CCDC171: variants seen among roughly 807,000 people sequenced by gnomAD.
CCDC171 encodes coiled-coil domain-containing protein 171.
CCDC171 carries 177 observed loss-of-function variants against 168.2 expected under a neutral mutation model. The ratio of observed to expected loss-of-function variants is 1.05; its 90% CI spans 0.93 to 1.19. The LOEUF is 1.19. CCDC171 is among the 50% of genes most tolerant of loss of function. CCDC171 has a pLI of 0.00. For missense variants in CCDC171, 1,991 were observed against 1,539.0 expected, an observed-to-expected ratio of 1.29 and a Z score of -4.91; for synonymous variants, 687 against 540.8, an observed-to-expected ratio of 1.27 and a Z score of -3.75.
chr9:15,843,037 G>A (rs972596946), intron 21 of CCDC171, among the ~76,000 whole-genome samples: 3 of 151,760 alleles, frequency 2.0e-5, no homozygotes, highest in African/African-American at 7.3e-5. Flanking sequence ...TACTTTTCCT[G>A]CCAGCTTTCA....
intron 21 of CCDC171, among the ~76,000 whole-genome samples, chr9:15,843,815 G>C (rs1358269603): frequency 6.6e-6 from 1 of 152,060 alleles, no homozygotes; most frequent in African/African-American, 2.4e-5. Context: ...CAATCACTAT[G>C]GCTGTCCCAT....
chr9:15,987,265 A>C (rs1244182086), intron 3 of CCDC171, among the ~76,000 whole-genome samples: 3 of 152,192 alleles, frequency 2.0e-5, no homozygotes, highest in Admixed American at 1.3e-4. Context: ...TTTAGCATTT[A>C]AAGAACTCCT....
chr9:16,038,428 G>T (rs1833511666), upstream of CCDC171, among the ~76,000 whole-genome samples: 2 of 152,048 alleles, frequency 1.3e-5, no homozygotes, highest in African/African-American at 4.8e-5. Flanking sequence ...AGATAAAATG[G>T]GTGGGAGATG....
At chr9:15,629,032 C>T (rs1356311697) in intron 7 of CCDC171, among the ~76,000 whole-genome samples, 2 of 152,122 alleles carry the variant, frequency 1.3e-5, no homozygotes, top group Non-Finnish European at 2.9e-5. Context: ...CCCTTCTGTA[C>T]ATCACCATCA....
chr9:15,683,648 C>A (rs1325401328), intron 10 of CCDC171, among the ~76,000 whole-genome samples: 1 of 151,978 alleles, frequency 6.6e-6, no homozygotes, highest in Non-Finnish European at 1.5e-5. Context: ...TTTTAGGAGG[C>A]TGACTTCCTA....
At chr9:16,036,959 G>A (rs983066517) in intron 8 of CCDC171, among the ~76,000 whole-genome samples, 10 of 152,206 alleles carry the variant, frequency 6.6e-5, no homozygotes, top group African/African-American at 2.4e-4. Flanking sequence ...ATTTGTGGGA[G>A]CTGAAAAAGT....
chr9:15,648,554 AG>A (rs1205515965), intron 7 of CCDC171, among the ~76,000 whole-genome samples: 1 of 152,236 alleles, frequency 6.6e-6, no homozygotes, highest in Non-Finnish European at 1.5e-5. Flanking sequence ...GCAAAGTCTC[AG>A]GATACAAAAT....
intron 23 of CCDC171, among the ~76,000 whole-genome samples, chr9:15,861,313 A>T (rs1342219588): frequency 6.6e-6 from 1 of 151,550 alleles, no homozygotes; most frequent in African/African-American, 2.4e-5. Flanking sequence ...CGTTTGAAGT[A>T]ATTACTGATA....
chr9:16,049,725 G>A (rs909886492), intron 1 of CCDC171, among the ~76,000 whole-genome samples: 5 of 152,038 alleles, frequency 3.3e-5, no homozygotes, highest in Non-Finnish European at 7.4e-5. Flanking sequence ...GCTTGCAGAT[G>A]GCCTGTCATG....
intron 25 of CCDC171, among the ~76,000 whole-genome samples, chr9:15,940,760 C>T (rs1322918044): frequency 6.6e-6 from 1 of 151,820 alleles, no homozygotes; most frequent in Non-Finnish European, 1.5e-5. Context: ...AGAGCTAAGA[C>T]CTTGCCTCTA....
chr9:15,615,919 A>G lies in CCDC171; in HGVS notation c.676-7348A>G, dbSNP rs374651617. ...TCAGCCCTCCAAGTACTGGGACCAC[A>G]GGCATGCGCCACAACGCCAGCTAAT... is the stretch of plus-strand genomic sequence containing the variant. On this transcript the variant is annotated intron_variant, in intron 6 of 25. Transcript: ENST00000380701. Among the ~76,000 whole-genome samples the G allele has an allele frequency of 7.5e-4, 114 of 151,616 alleles. 1 individual carries two copies. The highest frequency in any genetic ancestry group is 2.5e-3 in the African/African-American group (105 of 41,254).
chr9:16,102,859 C>T, the CCDC171 span, among the ~76,000 whole-genome samples: 48 of 152,262 alleles, frequency 3.2e-4, no homozygotes, highest in African/African-American at 1.1e-3. Flanking sequence ...TGAGAGGCAT[C>T]GACCTTTGAA....
At chr9:15,644,038 T>C (rs1446961772) in intron 7 of CCDC171, among the ~76,000 whole-genome samples, 1 of 152,178 alleles carries the variant, frequency 6.6e-6, no homozygotes, top group Non-Finnish European at 1.5e-5. Flanking sequence ...CTATAAACTT[T>C]TGTGCATAAT....
intron 3 of CCDC171, among the ~76,000 whole-genome samples, chr9:15,578,407 GTATTATTATTAT>G (rs36232245): frequency 0.62 from 82,500 of 134,100 alleles, 25,669 homozygotes; most frequent in East Asian, 0.8. Context: ...GTTAATTTTT[GTATTATTATTAT>G]TATTATTATT....
rs1831520079 is a variant in CCDC171 at position 15,973,416 on chromosome 9, T to A, written c.*1580T>A. 1 of 152,144 alleles carries A rather than the reference T, an allele frequency of 6.6e-6. No homozygotes were observed. Among genetic ancestry groups the A allele is most frequent in the Admixed American group, 6.6e-5 (1 of 15,254 alleles). 9.4% of individuals were successfully genotyped at this position (152,144 alleles called of 1,614,324 possible). A position where few individuals can be genotyped will look rare whatever the true frequency, so the allele number is the denominator to read the frequency against. ...ATAAGATTTTATACTAACTATTTAT[T>A]AGTAGCCAAATTAGCCAAGTGATTT... is the stretch of plus-strand genomic sequence containing the variant. On this transcript the variant is annotated 3_prime_UTR_variant, in exon 26 of 26. Coordinates refer to ENST00000380701, the MANE Select transcript of CCDC171 (RefSeq NM_173550.4).
intron 6 of CCDC171, among the ~76,000 whole-genome samples, chr9:15,610,877 A>T (rs2043633390): frequency 6.6e-6 from 1 of 151,830 alleles, no homozygotes; most frequent in Non-Finnish European, 1.5e-5. Context: ...ATTTTCTCTG[A>T]GTGTTTGGCT....
intron 20 of CCDC171, among the ~76,000 whole-genome samples, chr9:15,783,800 A>T (rs1454725234): frequency 6.6e-6 from 1 of 152,172 alleles, no homozygotes; most frequent in Non-Finnish European, 1.5e-5. Context: ...GTTGTGTGTT[A>T]TGGTGTAGAT....
At chr9:15,642,050 G>A (rs1282545912) in intron 7 of CCDC171, among the ~76,000 whole-genome samples, 2 of 151,990 alleles carry the variant, frequency 1.3e-5, no homozygotes, top group South Asian at 4.1e-4. Context: ...TGTGGTCCCA[G>A]CTACTCAGGA....
chr9:15,774,028 T>C (rs1564380884), intron 18 of CCDC171, among the ~76,000 whole-genome samples: 2 of 151,988 alleles, frequency 1.3e-5, no homozygotes, highest in Non-Finnish European at 2.9e-5. Context: ...GGTGGATCAC[T>C]TGAGGTCAGG....
Sources: allele counts gnomAD v4.1 joint callset (sites outside exome capture counted in the v4.1 genomes callset), GRCh38; gene constraint gnomAD v4.1.1; transcripts MANE v1.5; gene names NCBI Gene and HGNC (gene_info 2026-07-23, HGNC 2026-07-21).